The following EPHA5 variants were observed in gnomAD, a reference collection of about 807,000 sequenced individuals.
The protein encoded by EPHA5 is ephrin type-A receptor 5.
Under a neutral mutation model 105.0 loss-of-function variants are expected in EPHA5, and 60 were observed. That is an observed-to-expected ratio of 0.57 (90% CI 0.46 to 0.71). The LOEUF is 0.71. EPHA5 is among the 30% of genes least tolerant of loss of function. The pLI is 0.00. For missense variants in EPHA5, 1,218 were observed against 1,274.7 expected (o/e 0.96, Z 0.68); for synonymous variants, 513 against 449.1 (o/e 1.14, Z -1.80).
chr4:65,564,173 C>A (rs1047810996), intron 3 of EPHA5, among the ~76,000 whole-genome samples: 1 of 151,858 alleles, frequency 6.6e-6, no homozygotes, highest in Non-Finnish European at 1.5e-5. Context: ...TCAAGATAAT[C>A]ATTTTTCTTG....
rs114725948 is a variant in EPHA5 at position 65,569,886 on chromosome 4, T to A, written c.910+31755A>T. Among the ~76,000 whole-genome samples, 377 of 151,830 alleles carry A rather than the reference T, an allele frequency of 2.5e-3. 1 individual carries two copies. The highest frequency in any genetic ancestry group is 8.2e-3 in the African/African-American group (342 of 41,520). On this transcript the variant is annotated intron_variant, in intron 3 of 16. Transcript: ENST00000613740. ...TCTGGAAATAAAAGTCATCTAGAGT[T>A]CAATCAAATATTTGACAAAAGTTTG...
chr4:65,529,334 C>T (rs186934488), intron 3 of EPHA5, among the ~76,000 whole-genome samples: 34 of 152,236 alleles, frequency 2.2e-4, no homozygotes, highest in Admixed American at 1.2e-3. Context: ...TGCTGATCTA[C>T]TAACCTTAAT....
chr4:65,615,482 A>G (rs1273225484), intron 2 of EPHA5, among the ~76,000 whole-genome samples: 1 of 151,942 alleles, frequency 6.6e-6, no homozygotes, highest in Non-Finnish European at 1.5e-5. Context: ...AGAAGAAAAT[A>G]GAATGACATA....
intron 3 of EPHA5, among the ~76,000 whole-genome samples, chr4:65,565,797 A>C (rs1181192266): frequency 1.3e-5 from 2 of 151,678 alleles, no homozygotes; most frequent in African/African-American, 4.8e-5. Flanking sequence ...AAAATTACAG[A>C]ATATAAATGA....
At chr4:65,634,668 T>TTA (rs1023417359) in intron 2 of EPHA5, among the ~76,000 whole-genome samples, 23 of 152,174 alleles carry the variant, frequency 1.5e-4, no homozygotes, top group African/African-American at 5.1e-4. Flanking sequence ...GCATTATATA[T>TTA]TATAATATCC....
At chr4:65,337,500 T>A (rs1194224109) in intron 14 of EPHA5, among the ~76,000 whole-genome samples, 1 of 152,090 alleles carries the variant, frequency 6.6e-6, no homozygotes, top group Non-Finnish European at 1.5e-5. Context: ...ATAAATAAAA[T>A]GGCACCTGAC....
At chr4:65,508,255 A>C (rs191902941) in intron 3 of EPHA5, among the ~76,000 whole-genome samples, 192 of 152,252 alleles carry the variant, frequency 1.3e-3, no homozygotes, top group Non-Finnish European at 2.1e-3. Flanking sequence ...TTTAGACTCA[A>C]GTAGTGAGAT....
chr4:65,632,424 T>C (rs1746731110), intron 2 of EPHA5, among the ~76,000 whole-genome samples: 2 of 151,708 alleles, frequency 1.3e-5, no homozygotes, highest in Non-Finnish European at 2.9e-5. Context: ...ATAAGCACTG[T>C]TGGTAAAAAT....
In EPHA5 at chr4:65,602,239, C is replaced by T. The variant is rs2149441787; in HGVS notation, c.312G>A (p.Val104=). The change falls in exon 3 of 17, where the codon GTG becomes GTA. Residue 104 remains valine, a synonymous_variant. Coordinates refer to ENST00000613740, the MANE Select transcript of EPHA5 (RefSeq NM_001281766.3). ...GCCAGTTATTCTGATTCTGTTCCAT[C>T]ACTTTGCATACTTGGTATGTGTGGA... is the stretch of plus-strand genomic sequence containing the variant. ...APIHTYQVCK[V]MEQNQNNWLL... is the part of the protein sequence containing the mutation. The T allele has an allele frequency of 6.2e-7, 1 of 1,612,674 alleles. No individual in the cohort carries two copies. The highest frequency in any genetic ancestry group is 8.5e-7 in the Non-Finnish European group (1 of 1,180,008).
intron 3 of EPHA5, among the ~76,000 whole-genome samples, chr4:65,499,026 G>T (rs1732225547): frequency 8.5e-6 from 1 of 117,876 alleles, no homozygotes; most frequent in African/African-American, 3.5e-5. Flanking sequence ...TATTCCCTTA[G>T]TTAACTTCAT....
In EPHA5 at chr4:65,669,558, C is replaced by T. The variant is rs747509362; in HGVS notation, c.181+4G>A. The T allele has an allele frequency of 4.4e-5, 62 of 1,396,800 alleles. No homozygotes were observed. The Admixed American group carries it at 1.5e-3, about 35-fold the overall frequency. The allele number at this position is 1,396,800 out of a possible 1,614,324, so 86.5% of individuals were successfully genotyped here. ...CGCCACGGTCCCCACCCCCATCTCC[C>T]TACCTTCGTTGCTGGGGCTGGCCAG... On this transcript the variant is annotated splice_donor_region_variant and intron_variant, in intron 1 of 16. Transcript: ENST00000613740.
At chr4:65,628,512 A>G (rs925576357) in intron 2 of EPHA5, among the ~76,000 whole-genome samples, 1 of 152,158 alleles carries the variant, frequency 6.6e-6, no homozygotes. Context: ...GAGATTATAT[A>G]TGTTATTTTG....
At chr4:65,655,881 T>C (rs1209571057) in intron 1 of EPHA5, among the ~76,000 whole-genome samples, 2 of 152,114 alleles carry the variant, frequency 1.3e-5, no homozygotes, top group Non-Finnish European at 2.9e-5. Flanking sequence ...GGCAGATTTA[T>C]AGAAAGTTAC....
chr4:65,383,895 C>G (rs1279563156), intron 8 of EPHA5, among the ~76,000 whole-genome samples: 2 of 151,880 alleles, frequency 1.3e-5, no homozygotes. Flanking sequence ...GCCATATTCC[C>G]ATTTGGAGCC....
chr4:65,354,821 C>T (rs79589115), intron 11 of EPHA5, among the ~76,000 whole-genome samples: 53 of 151,610 alleles, frequency 3.5e-4, no homozygotes, highest in South Asian at 4.1e-4. Context: ...TAAAACTCAC[C>T]GTTTATAATA....
At chr4:65,455,050 G>A (rs1371790715) in intron 5 of EPHA5, among the ~76,000 whole-genome samples, 14 of 151,940 alleles carry the variant, frequency 9.2e-5, no homozygotes, top group Non-Finnish European at 1.6e-4. Context: ...TCGAGACCAT[G>A]GTGAAACCCT....
chr4:65,578,746 A>G (rs2149393290), intron 3 of EPHA5, among the ~76,000 whole-genome samples: 1 of 152,286 alleles, frequency 6.6e-6, no homozygotes, highest in Non-Finnish European at 1.5e-5. Flanking sequence ...CGTGGATGAG[A>G]TTTAATATAA....
chr4:65,339,877 G>A (rs1484673914), intron 14 of EPHA5, among the ~76,000 whole-genome samples: 1 of 152,084 alleles, frequency 6.6e-6, no homozygotes, highest in African/African-American at 2.4e-5. Context: ...ACACAGACAT[G>A]GGGAGAACCC....
intron 8 of EPHA5, among the ~76,000 whole-genome samples, chr4:65,395,256 T>C (rs1056379900): frequency 1.3e-5 from 2 of 152,208 alleles, no homozygotes; most frequent in African/African-American, 4.8e-5. Flanking sequence ...ACTACTGTAA[T>C]TGTGTTTTAT....
Sources: gnomAD v4.1 joint callset for allele counts (sites outside exome capture counted in the v4.1 genomes callset) on GRCh38, gnomAD v4.1.1 for gene constraint, MANE v1.5 for transcripts, NCBI Gene and HGNC (gene_info 2026-07-23, HGNC 2026-07-21) for gene names.